The following STIL variants were observed in gnomAD, a reference collection of about 807,000 sequenced individuals.
The protein encoded by STIL is STIL centriolar assembly protein, also known as SCL-interrupting locus protein.
Under a neutral mutation model 110.1 loss-of-function variants are expected in STIL, and 55 were observed. The ratio of observed to expected loss-of-function variants is 0.50; its 90% CI spans 0.40 to 0.63. The LOEUF (loss-of-function observed/expected upper bound fraction) is 0.63, where lower values mean the gene tolerates loss of function less well. Among genes scored for constraint, STIL ranks in the 20% least tolerant of loss-of-function variants. The probability of loss-of-function intolerance (pLI) is 0.00; values close to 1 mark genes in which losing one functional copy is unlikely to be tolerated. For synonymous variants in STIL, 481 were observed against 530.0 expected, an observed-to-expected ratio of 0.91 and a Z score of 1.27; for missense variants, 1,358 against 1,530.0, an observed-to-expected ratio of 0.89 and a Z score of 1.87.
chr1:47,270,253 T>TACACAC (rs1378109646), intron 13 of STIL, among the ~76,000 whole-genome samples: 1,444 of 118,136 alleles, frequency 0.012, 21 homozygotes, highest in Admixed American at 0.032. Context: ...TATATATATA[T>TACACAC]ATACACACAC....
intron 12 of STIL, 116 bp downstream of exon 12, chr1:47,280,125 C>T (rs1645115205): frequency 2.9e-6 from 4 of 1,383,694 alleles, no homozygotes; most frequent in South Asian, 2.5e-5. Context: ...TTCCAAGGTC[C>T]CTCCTAATTC....
At chr1:47,290,123 A>G (rs1048407783) in intron 8 of STIL, among the ~76,000 whole-genome samples, 1 of 152,208 alleles carries the variant, frequency 6.6e-6, no homozygotes, top group Non-Finnish European at 1.5e-5. Flanking sequence ...AATTATCTTG[A>G]AAAGTTAAAA....
In STIL at chr1:47,311,282, T is replaced by C. The variant is rs868256194; in HGVS notation, c.-43-920A>G. On this transcript the variant is annotated intron_variant, in intron 1 of 16. Coordinates refer to ENST00000371877, the MANE Select transcript of STIL (RefSeq NM_001048166.1). ...TCAAATCCATTTTCTTTTCTTTTTTTCTTTTTTTTTTTTTTTTGAAACAGG... is the reference window on the plus strand; with the variant it reads ...TCAAATCCATTTTCTTTTCTTTTTTCCTTTTTTTTTTTTTTTTGAAACAGG... Among the ~76,000 whole-genome samples the C allele has an allele frequency of 4.8e-3, 660 of 138,632 alleles. 9 individuals carry two copies. The highest frequency in any genetic ancestry group is 0.015 in the African/African-American group (536 of 35,248). 90.9% of individuals were successfully genotyped at this position (138,632 alleles called of 152,430 possible).
At chr1:47,272,033 T>C (rs1292421666) in intron 13 of STIL, 43 bp downstream of exon 13, 2 of 1,600,622 alleles carry the variant, frequency 1.2e-6, no homozygotes, top group Admixed American at 1.7e-5. Flanking sequence ...ATGAAAAGCA[T>C]TTTTAACAAT....
At position 47,310,526 on chromosome 1, in the gene STIL, C is replaced by G. The variant is rs190507021; in HGVS notation, c.-43-164G>C. Among the ~76,000 whole-genome samples the G allele has an allele frequency of 1.6e-4, 24 of 152,246 alleles. No homozygotes were observed. In the East Asian group the frequency reaches 4.6e-3, roughly 29 times the overall value. On this transcript the variant is annotated intron_variant, in intron 1 of 16. Transcript: ENST00000371877. The stretch of plus-strand genomic sequence containing the variant: ...GTAGATTCTGCCAATCATTTTCATA[C>G]GTTAGAGTCATTCTGCCAATAAATT...
Position 47,287,576 on chromosome 1 carries a change from C to G in STIL, c.1108G>C (p.Ala370Pro). 6.2e-7 allele frequency: 1 copy of G among 1,611,254 alleles called. No individual in the cohort carries two copies. Among genetic ancestry groups the G allele is most frequent in the Non-Finnish European group, 8.5e-7 (1 of 1,178,748 alleles). The change falls in exon 10 of 17, where the codon GCT (alanine) becomes CCT (proline). Residue 370 changes from alanine (A) to proline (P), a missense_variant. Transcript: ENST00000371877. The stretch of plus-strand genomic sequence containing the variant: ...CTCTTAATTGAAAAATTCTTGGAAG[C>G]CTTACTGAAAAACTCTGTTTCTGCA... ...QNAETEFFSK[A>P]SKNFSIKRSS...
chr1:47,250,962 G>C lies in STIL; in HGVS notation c.*174C>G. On this transcript the variant is annotated 3_prime_UTR_variant, in exon 17 of 17. Transcript: ENST00000371877. ...TTGAACAGCTCTATTTGAACAATGA[G>C]AACTTAGTCCTATCACCAGCCAGCC... 1.6e-6 allele frequency: 1 copy of C among 616,970 alleles called. No homozygotes were observed. Among genetic ancestry groups the C allele is most frequent in the Non-Finnish European group, 2.8e-6 (1 of 357,364 alleles). The allele number at this position is 616,970 out of a possible 1,614,324, so 38.2% of individuals were successfully genotyped here. A position where few individuals can be genotyped will look rare whatever the true frequency, so the allele number is the denominator to read the frequency against.
In STIL at chr1:47,311,283, C is replaced by T. The variant is rs145908393; in HGVS notation, c.-43-921G>A. On this transcript the variant is annotated intron_variant, in intron 1 of 16. Coordinates refer to ENST00000371877, the MANE Select transcript of STIL (RefSeq NM_001048166.1). ...CAAATCCATTTTCTTTTCTTTTTTT[C>T]TTTTTTTTTTTTTTTTGAAACAGGG... is the stretch of plus-strand genomic sequence containing the variant. Among the ~76,000 whole-genome samples, 687 of 132,188 alleles carry T rather than the reference C, an allele frequency of 5.2e-3. 10 individuals are homozygous for T. Among genetic ancestry groups the T allele is most frequent in the African/African-American group, 0.015 (550 of 35,506 alleles). The allele number at this position is 132,188 out of a possible 152,430, so 86.7% of individuals were successfully genotyped here.
intron 12 of STIL, among the ~76,000 whole-genome samples, chr1:47,272,542 G>A (rs1644872643): frequency 6.6e-6 from 1 of 151,172 alleles, no homozygotes; most frequent in African/African-American, 2.4e-5. Context: ...TCAACCTCCT[G>A]GGCTCAATCG....
chr1:47,302,344 T>G lies in STIL; in HGVS notation c.155A>C (p.Asn52Thr), dbSNP rs1265835092. ...CTTCTCAGTCACCACAAGCTTTGGA[T>G]TTCTGAAAAACAACAAGTCTTTTAT... ...FIYLHLSYYR[N>T]PKLVVTEKTI... The change falls in exon 4 of 17, where the codon AAT (asparagine) becomes ACT (threonine). Residue 52 changes from asparagine to threonine, a missense_variant and splice_region_variant. By Grantham distance (65) the Asn-to-Thr change is moderately conservative. Coordinates refer to ENST00000371877, the MANE Select transcript of STIL (RefSeq NM_001048166.1). 6.2e-7 allele frequency: 1 copy of G among 1,613,406 alleles called. No individual in the cohort carries two copies. Among genetic ancestry groups the G allele is most frequent in the Admixed American group, 1.7e-5 (1 of 60,020 alleles).
At chr1:47,283,300 C>G (rs1645201789) in intron 10 of STIL, 1 of 152,206 alleles carries the variant, frequency 6.6e-6, no homozygotes, top group Admixed American at 6.5e-5. Flanking sequence ...CCCTGATTGT[C>G]TGAAGAGGTA....
rs956125481 is a variant in STIL at position 47,250,745 on chromosome 1, G to A, written c.*391C>T. On this transcript the variant is annotated 3_prime_UTR_variant, in exon 17 of 17. Coordinates refer to ENST00000371877, the MANE Select transcript of STIL (RefSeq NM_001048166.1). ...AAGCAGGAAAATCGCTTGAACCCAG[G>A]AGGCAGAGGTTGCAGTGATCTGAGA... The A allele has an allele frequency of 5.5e-5, 10 of 182,666 alleles. No individual in the cohort carries two copies. Among genetic ancestry groups the A allele is most frequent in the Non-Finnish European group, 1.0e-4 (9 of 86,176 alleles). 11.3% of individuals were successfully genotyped at this position (182,666 alleles called of 1,614,324 possible). A position where few individuals can be genotyped will look rare whatever the true frequency, so the allele number is the denominator to read the frequency against.
At chr1:47,262,035 GGCCTTTAT>G (rs1644502217) in intron 15 of STIL, among the ~76,000 whole-genome samples, 1 of 152,054 alleles carries the variant, frequency 6.6e-6, no homozygotes, top group Non-Finnish European at 1.5e-5. Flanking sequence ...TTATAAATTA[GGCCTTTAT>G]GATGTTCACA....
chr1:47,272,262 C>T (rs1363435764), intron 12 of STIL, 21 bp from the exon 13 acceptor site: 1 of 1,613,890 alleles, frequency 6.2e-7, no homozygotes, highest in Admixed American at 1.7e-5. Flanking sequence ...TAAAAACATA[C>T]TTTAAACTGA....
At chr1:47,275,717 T>G (rs1483104556) in intron 12 of STIL, among the ~76,000 whole-genome samples, 1 of 151,902 alleles carries the variant, frequency 6.6e-6, no homozygotes, top group African/African-American at 2.4e-5. Context: ...CTCAGCTTCC[T>G]AGGCTGAAGC....
intron 14 of STIL, among the ~76,000 whole-genome samples, chr1:47,265,476 A>G (rs1334884735): frequency 6.6e-6 from 1 of 151,722 alleles, no homozygotes; most frequent in Non-Finnish European, 1.5e-5. Flanking sequence ...GTTTTTTTTA[A>G]TTACTTTTTT....
At chr1:47,265,831 G>A (rs913277006) in intron 14 of STIL, among the ~76,000 whole-genome samples, 1 of 147,348 alleles carries the variant, frequency 6.8e-6, no homozygotes, top group South Asian at 2.2e-4. Flanking sequence ...CTGTCACCCA[G>A]GCTGGAGTGC....
chr1:47,266,462 G>C (rs2742080), intron 14 of STIL, among the ~76,000 whole-genome samples: 3,672 of 152,230 alleles, frequency 0.024, 151 homozygotes, highest in East Asian at 0.19. Flanking sequence ...GGTCTCAAGC[G>C]ATCCTCCTGT....
intron 3 of STIL, among the ~76,000 whole-genome samples, chr1:47,303,266 T>TA (rs1448803101): frequency 1.3e-5 from 2 of 152,140 alleles, no homozygotes; most frequent in Non-Finnish European, 2.9e-5. Context: ...CGCCACGTTT[T>TA]AAAAAACCTA....
Sources: allele counts gnomAD v4.1 joint callset (sites outside exome capture counted in the v4.1 genomes callset), GRCh38; gene constraint gnomAD v4.1.1; transcripts MANE v1.5; gene names NCBI Gene and HGNC (gene_info 2026-07-23, HGNC 2026-07-21).